CHSY1: variants seen among roughly 807,000 people sequenced by gnomAD.
CHSY1 encodes N-acetylgalactosaminyl-proteoglycan 3-beta-glucuronosyltransferase 1.
CHSY1 carries 13 observed loss-of-function variants against 59.8 expected under a neutral mutation model. The ratio of observed to expected loss-of-function variants is 0.22; its 90% CI spans 0.14 to 0.35. The LOEUF (loss-of-function observed/expected upper bound fraction) is 0.35, where lower values mean the gene tolerates loss of function less well. CHSY1 is among the 10% of genes least tolerant of loss of function. CHSY1 has a pLI of 1.00. For synonymous variants in CHSY1, 459 were observed against 401.2 expected, an observed-to-expected ratio of 1.14 and a Z score of -1.72; for missense variants, 947 against 1,030.6, an observed-to-expected ratio of 0.92 and a Z score of 1.11.
chr15:101,194,885 G>A lies in CHSY1; in HGVS notation c.817-15905C>T, dbSNP rs150330661. Among the ~76,000 whole-genome samples the A allele has an allele frequency of 3.6e-4, 55 of 152,310 alleles. 1 individual carries two copies. Among genetic ancestry groups the A allele is most frequent in the African/African-American group, 1.3e-3 (52 of 41,558 alleles). ...ATTCTACTTTCAAGAGTACACTTCTGATGCCAAGAAGATAAGATCTCATGC... is the reference window on the plus strand; with the variant it reads ...ATTCTACTTTCAAGAGTACACTTCTAATGCCAAGAAGATAAGATCTCATGC... On this transcript the variant is annotated intron_variant, in intron 2 of 2. Transcript: ENST00000254190.
chr15:101,241,249 C>T (rs975849074), intron 1 of CHSY1, among the ~76,000 whole-genome samples: 10 of 152,198 alleles, frequency 6.6e-5, no homozygotes, highest in African/African-American at 1.2e-4. Context: ...TGCCACCACG[C>T]CCAGCTAATT....
At chr15:101,237,222 TAAAAAAAAA>T (rs56731913) in intron 1 of CHSY1, among the ~76,000 whole-genome samples, 9 of 57,358 alleles carry the variant, frequency 1.6e-4, no homozygotes, top group Non-Finnish European at 2.5e-4. Context: ...AGACTCCATC[TAAAAAAAAA>T]AAAAAAAAAA....
At chr15:101,209,972 T>C (rs2038667969) in intron 2 of CHSY1, among the ~76,000 whole-genome samples, 1 of 152,238 alleles carries the variant, frequency 6.6e-6, no homozygotes, top group Non-Finnish European at 1.5e-5. Flanking sequence ...TACTACAAGT[T>C]AGTGTCGTTA....
intron 2 of CHSY1, among the ~76,000 whole-genome samples, chr15:101,207,517 C>A (rs1461277955): frequency 6.6e-6 from 1 of 152,150 alleles, no homozygotes; most frequent in Admixed American, 6.5e-5. Context: ...CTCATATGCT[C>A]TGTATCTGTT....
At position 101,176,331 on chromosome 15, in the gene CHSY1, A is replaced by C. The variant is rs2038187543; in HGVS notation, c.*1057T>G. 3 of 398,482 alleles carry C rather than the reference A, an allele frequency of 7.5e-6. No individual in the cohort carries two copies. Among genetic ancestry groups the C allele is most frequent in the Non-Finnish European group, 1.3e-5 (3 of 226,052 alleles). 24.7% of individuals were successfully genotyped at this position (398,482 alleles called of 1,614,324 possible). Reference sequence around the variant, plus strand: ...AACACAGACAGGATGAAAGGAACAAAACCAAATACATTTTTCCCCAACGTT... The same window carrying C: ...AACACAGACAGGATGAAAGGAACAACACCAAATACATTTTTCCCCAACGTT... On this transcript the variant is annotated 3_prime_UTR_variant, in exon 3 of 3. Transcript: ENST00000254190.
intron 2 of CHSY1, among the ~76,000 whole-genome samples, chr15:101,203,063 A>G (rs187227721): frequency 1.3e-5 from 2 of 152,354 alleles, no homozygotes; most frequent in East Asian, 1.9e-4. Flanking sequence ...AGTAACGGCT[A>G]TTTTCAAGTA....
chr15:101,179,974 G>A (rs1342984268), intron 2 of CHSY1, among the ~76,000 whole-genome samples: 1 of 152,230 alleles, frequency 6.6e-6, no homozygotes, highest in African/African-American at 2.4e-5. Context: ...AGCATTTGAG[G>A]TTGGTATCTG....
chr15:101,191,286 C>T (rs1030806618), intron 2 of CHSY1, among the ~76,000 whole-genome samples: 3 of 152,172 alleles, frequency 2.0e-5, no homozygotes, highest in East Asian at 1.9e-4. Flanking sequence ...AAGTTAAATG[C>T]ATGTTACTAA....
intron 2 of CHSY1, among the ~76,000 whole-genome samples, chr15:101,197,572 C>G (rs1454428917): frequency 1.3e-5 from 2 of 152,064 alleles, no homozygotes; most frequent in Admixed American, 6.5e-5. Flanking sequence ...GGGCAAATAT[C>G]TAAGGACACC....
intron 1 of CHSY1, among the ~76,000 whole-genome samples, chr15:101,240,699 G>A (rs886582705): frequency 6.6e-6 from 1 of 152,174 alleles, no homozygotes; most frequent in South Asian, 2.1e-4. Flanking sequence ...ACCCATTTAT[G>A]TCAGAGGTTG....
chr15:101,234,026 AT>A (rs1158329595), intron 2 of CHSY1, among the ~76,000 whole-genome samples: 1 of 152,180 alleles, frequency 6.6e-6, no homozygotes, highest in Non-Finnish European at 1.5e-5. Context: ...AACCTCAATA[AT>A]TTTTTTCACC....
chr15:101,176,162 G>A lies in CHSY1; in HGVS notation c.*1226C>T, dbSNP rs780272635. On this transcript the variant is annotated 3_prime_UTR_variant, in exon 3 of 3. Coordinates refer to ENST00000254190, the MANE Select transcript of CHSY1 (RefSeq NM_014918.5). ...AATAAAACAGACTAAACACACTCCC[G>A]ATACACATAAATAATACTAACTAAC... The A allele has an allele frequency of 5.3e-5, 21 of 398,070 alleles. No individual in the cohort carries two copies. Among genetic ancestry groups the A allele is most frequent in the Non-Finnish European group, 7.1e-5 (16 of 225,858 alleles). The allele number at this position is 398,070 out of a possible 1,614,324, so 24.7% of individuals were successfully genotyped here.
intron 1 of CHSY1, among the ~76,000 whole-genome samples, chr15:101,239,305 T>C (rs1226174262): frequency 6.6e-6 from 1 of 152,190 alleles, no homozygotes; most frequent in Admixed American, 6.5e-5. Flanking sequence ...ATTTTCAACC[T>C]AGGAAGCCAT....
chr15:101,229,828 A>C (rs1329601516), intron 2 of CHSY1, among the ~76,000 whole-genome samples: 1 of 151,924 alleles, frequency 6.6e-6, no homozygotes, highest in Non-Finnish European at 1.5e-5. Flanking sequence ...AATCGCTTGA[A>C]CCGAGGAGGC....
chr15:101,183,059 A>G (rs1360494046), intron 2 of CHSY1, among the ~76,000 whole-genome samples: 1 of 152,210 alleles, frequency 6.6e-6, no homozygotes, highest in African/African-American at 2.4e-5. Flanking sequence ...TCAGAGGAAA[A>G]AACCCTTGAA....
chr15:101,228,752 A>G (rs1209199642), intron 2 of CHSY1, among the ~76,000 whole-genome samples: 1 of 152,246 alleles, frequency 6.6e-6, no homozygotes, highest in Non-Finnish European at 1.5e-5. Flanking sequence ...CTGAAATGAA[A>G]GAACATTATA....
chr15:101,219,243 C>T (rs1285598245), intron 2 of CHSY1, among the ~76,000 whole-genome samples: 1 of 152,154 alleles, frequency 6.6e-6, no homozygotes. Context: ...TTATAACTGC[C>T]TCCTGAAATT....
chr15:101,201,676 A>T (rs1275685863), intron 2 of CHSY1, among the ~76,000 whole-genome samples: 3 of 152,240 alleles, frequency 2.0e-5, no homozygotes, highest in African/African-American at 7.2e-5. Context: ...TGCAAGTACC[A>T]GCAGCAGGGA....
At position 101,205,819 on chromosome 15, in the gene CHSY1, T is replaced by C. The variant is rs112304303; in HGVS notation, c.817-26839A>G. On this transcript the variant is annotated intron_variant, in intron 2 of 2. Coordinates refer to ENST00000254190, the MANE Select transcript of CHSY1 (RefSeq NM_014918.5). ...ACAAAAAATTAGCTGGGCGTGGTGG[T>C]GGGCGCCCGTAGTCCCAGCTACTCA... Among the ~76,000 whole-genome samples the C allele has an allele frequency of 3.4e-3, 517 of 151,966 alleles. 5 individuals carry two copies. Among genetic ancestry groups the C allele is most frequent in the East Asian group, 0.01 (52 of 5,174 alleles).
Sources: gnomAD v4.1 joint callset for allele counts (sites outside exome capture counted in the v4.1 genomes callset) on GRCh38, gnomAD v4.1.1 for gene constraint, MANE v1.5 for transcripts, NCBI Gene and HGNC (gene_info 2026-07-23, HGNC 2026-07-21) for gene names.